The following DCTN5 variants were observed in gnomAD, a reference collection of about 807,000 sequenced individuals.
DCTN5 encodes dynactin subunit 5, also known as dynactin 4.
Under a neutral mutation model 23.5 loss-of-function variants are expected in DCTN5, and 14 were observed. The observed-to-expected ratio is 0.60, with a 90% CI of 0.39 to 0.93. The LOEUF (loss-of-function observed/expected upper bound fraction) is 0.93, where lower values mean the gene tolerates loss of function less well. Ranked by LOEUF, DCTN5 falls within the 40% of genes least tolerant of loss-of-function variation. The pLI, the probability that DCTN5 is intolerant of heterozygous loss-of-function variation, is 0.00. For missense variants in DCTN5, 156 were observed against 225.9 expected (o/e 0.69, Z 1.98); for synonymous variants, 67 against 79.6 (o/e 0.84, Z 0.84).
At chr16:23,658,167 C>G (rs1967744897) in intron 2 of DCTN5, among the ~76,000 whole-genome samples, 1 of 152,098 alleles carries the variant, frequency 6.6e-6, no homozygotes, top group Non-Finnish European at 1.5e-5. Context: ...AAGCGAGCAG[C>G]CAAGGCTTGG....
rs950285102 is a variant in DCTN5, at chr16:23,650,633, T to C, written c.117+7610T>C. The C allele has an allele frequency of 4.3e-6, 4 of 933,108 alleles. No individual in the cohort carries two copies. The African/African-American group carries it at 6.6e-5, about 15-fold the overall frequency. The allele number at this position is 933,108 out of a possible 1,614,324, so 57.8% of individuals were successfully genotyped here. A position where few individuals can be genotyped will look rare whatever the true frequency, so the allele number is the denominator to read the frequency against. On this transcript the variant is annotated intron_variant, in intron 2 of 5. Transcript: ENST00000300087. ...AGCCACTGCACCCGGCTGGCCCGTC[T>C]GTGCATTTTCACTGCTGTGTACAAT...
chr16:23,666,401 C>G (rs1001374909), intron 5 of DCTN5: 1 of 153,204 alleles, frequency 6.5e-6, no homozygotes, highest in East Asian at 1.9e-4. Context: ...ATAGAATGCT[C>G]ACAAGTAAAG....
At chr16:23,645,137 A>ATATATATATT (rs1555462995) in intron 2 of DCTN5, among the ~76,000 whole-genome samples, 2 of 30,802 alleles carry the variant, frequency 6.5e-5, no homozygotes, top group Non-Finnish European at 1.1e-4. Context: ...ATATATATAT[A>ATATATATATT]TTTTTTTTTT....
Position 23,674,893 on chromosome 16 carries a change from G to T in DCTN5, c.*7749G>T, listed in dbSNP as rs4255792. The T allele has an allele frequency of 6.6e-6, 1 of 152,076 alleles. No homozygotes were observed. Among genetic ancestry groups the T allele is most frequent in the East Asian group, 1.9e-4 (1 of 5,178 alleles). 9.4% of individuals were successfully genotyped at this position (152,076 alleles called of 1,614,324 possible). ...GGCCTCTCTGCTTGGCTTGCAGATGGCTGCCTTCTTACTGTGTCCTTGTAT... is the reference window on the plus strand; with the variant it reads ...GGCCTCTCTGCTTGGCTTGCAGATGTCTGCCTTCTTACTGTGTCCTTGTAT... On this transcript the variant is annotated 3_prime_UTR_variant, in exon 6 of 6. Transcript: ENST00000300087.
chr16:23,652,871 G>C (rs942235863), intron 2 of DCTN5, among the ~76,000 whole-genome samples: 2 of 152,144 alleles, frequency 1.3e-5, no homozygotes, highest in Admixed American at 6.5e-5. Context: ...GGCTGGACGT[G>C]GTGGCCCACA....
At position 23,674,675 on chromosome 16, in the gene DCTN5, A is replaced by G. The variant is rs1250253325; in HGVS notation, c.*7531A>G. 6.6e-6 allele frequency: 1 copy of G among 152,248 alleles called. No individual in the cohort carries two copies. Among genetic ancestry groups the G allele is most frequent in the Non-Finnish European group, 1.5e-5 (1 of 68,036 alleles). 9.4% of individuals were successfully genotyped at this position (152,248 alleles called of 1,614,324 possible). ...AGTCTGCTCATTGAATAATCAGGAC[A>G]AAAGGGGTAGAAGATTATGTAAACA... On this transcript the variant is annotated 3_prime_UTR_variant, in exon 6 of 6. Transcript: ENST00000300087.
In DCTN5 at chr16:23,665,624, A is replaced by G. The variant is rs1370060796; in HGVS notation, c.349-2A>G. 6.2e-7 allele frequency: 1 copy of G among 1,609,780 alleles called. No homozygotes were observed. The highest frequency in any genetic ancestry group is 1.3e-5 in the African/African-American group (1 of 74,708). ...TTCCTATTAACAAGATTTTAATTTC[A>G]GGGGCGCCGATGTGTGTTGAAAGAC... is the stretch of plus-strand genomic sequence containing the variant. On this transcript the variant is annotated splice_acceptor_variant, in intron 4 of 5. Transcript: ENST00000300087. LOFTEE classifies it high-confidence loss of function.
chr16:23,661,535 A>G (rs1967811655), intron 4 of DCTN5, among the ~76,000 whole-genome samples: 1 of 152,052 alleles, frequency 6.6e-6, no homozygotes, highest in Non-Finnish European at 1.5e-5. Context: ...TCTGGCCAAC[A>G]TGGCAAAACC....
In DCTN5 at chr16:23,669,135, C is replaced by T. The variant is rs1481788381; in HGVS notation, c.*1991C>T. Reference sequence around the variant, plus strand: ...GACCTAGGAACAGCCTGTCACCACACAATTACTTTTATAACCCTGGAGATG... The same window carrying T: ...GACCTAGGAACAGCCTGTCACCACATAATTACTTTTATAACCCTGGAGATG... On this transcript the variant is annotated 3_prime_UTR_variant, in exon 6 of 6. Transcript: ENST00000300087. The T allele has an allele frequency of 6.6e-6, 1 of 152,652 alleles. No homozygotes were observed. The highest frequency in any genetic ancestry group is 1.5e-5 in the Non-Finnish European group (1 of 68,050). 9.5% of individuals were successfully genotyped at this position (152,652 alleles called of 1,614,324 possible). A position where few individuals can be genotyped will look rare whatever the true frequency, so the allele number is the denominator to read the frequency against.
intron 2 of DCTN5, among the ~76,000 whole-genome samples, chr16:23,654,181 C>T (rs1967656988): frequency 6.6e-6 from 1 of 152,200 alleles, no homozygotes; most frequent in East Asian, 1.9e-4. Flanking sequence ...TGGATATATA[C>T]CCAAAAGAAT....
chr16:23,644,669 C>G (rs893382913), intron 2 of DCTN5, among the ~76,000 whole-genome samples: 2 of 151,852 alleles, frequency 1.3e-5, no homozygotes, highest in Non-Finnish European at 2.9e-5. Context: ...CTCCTCACCT[C>G]AGATGATCCA....
chr16:23,649,921 A>G (rs573174884), intron 2 of DCTN5, among the ~76,000 whole-genome samples: 2 of 151,376 alleles, frequency 1.3e-5, no homozygotes, highest in South Asian at 2.1e-4. Flanking sequence ...CTGCTTATGG[A>G]TATGCTGTTT....
intron 2 of DCTN5, chr16:23,657,474 CTT>C (rs1223983443): frequency 1.1e-5 from 5 of 437,128 alleles, no homozygotes; most frequent in Admixed American, 9.8e-5. Context: ...AAATCTCACT[CTT>C]TTCGTCCAGG....
intron 4 of DCTN5, 116 bp from the exon 5 acceptor site, chr16:23,665,510 C>T: frequency 1.0e-6 from 1 of 962,432 alleles, no homozygotes; most frequent in Non-Finnish European, 1.5e-6. Flanking sequence ...GAAGTTGCAA[C>T]CAACCCTCTT....
rs771917203 is a variant in DCTN5, at chr16:23,642,222, C to G, written c.48+632C>G. On this transcript the variant is annotated intron_variant, in intron 1 of 5. Coordinates refer to ENST00000300087, the MANE Select transcript of DCTN5 (RefSeq NM_032486.4). ...TGCTGGCATTACAGGCGTGAGCCAC[C>G]GCACCCTGCCGATTTGGTTCTTTAT... 7.2e-5 allele frequency among the ~76,000 whole-genome samples: 11 copies of G among 152,266 alleles called. No individual in the cohort carries two copies. In the South Asian group the frequency reaches 1.5e-3, roughly 20 times the overall value.
intron 2 of DCTN5, among the ~76,000 whole-genome samples, chr16:23,644,536 G>A (rs528677245): frequency 3.3e-5 from 5 of 151,778 alleles, no homozygotes; most frequent in African/African-American, 4.8e-5. Context: ...TCCTGACCTC[G>A]TGATCCACCT....
At chr16:23,658,385 T>A (rs577172661) in intron 2 of DCTN5, 122 bp from the exon 3 acceptor site, 1 of 723,330 alleles carries the variant, frequency 1.4e-6, no homozygotes, top group South Asian at 1.7e-5. Context: ...TGGCGGAACA[T>A]TTGAAACATT....
chr16:23,665,106 T>A (rs753229113), intron 4 of DCTN5, among the ~76,000 whole-genome samples: 2 of 152,238 alleles, frequency 1.3e-5, no homozygotes, highest in Non-Finnish European at 2.9e-5. Flanking sequence ...TGGGAAGTGC[T>A]GCTTTCCCCA....
intron 5 of DCTN5, 104 bp downstream of exon 5, chr16:23,665,832 A>C: frequency 2.2e-6 from 2 of 922,938 alleles, no homozygotes; most frequent in Non-Finnish European, 3.3e-6. Context: ...CAATATGTTG[A>C]TAGAGCTAAC....
Sources: gnomAD v4.1 joint callset for allele counts (sites outside exome capture counted in the v4.1 genomes callset) on GRCh38, gnomAD v4.1.1 for gene constraint, MANE v1.5 for transcripts, NCBI Gene and HGNC (gene_info 2026-07-23, HGNC 2026-07-21) for gene names.